EPHA6: variants seen among roughly 807,000 people sequenced by gnomAD.
EPHA6 encodes the protein EPH receptor A6, also known as ephrin type-A receptor 6.
In EPHA6, 50 loss-of-function variants were observed where a neutral mutation model predicts 112.0. That is an observed-to-expected ratio of 0.45 (90% CI 0.36 to 0.56). EPHA6 has a LOEUF of 0.56. Among genes scored for constraint, EPHA6 ranks in the 20% least tolerant of loss-of-function variants. The pLI, the probability that EPHA6 is intolerant of heterozygous loss-of-function variation, is 0.00. For synonymous variants in EPHA6, 529 were observed against 490.7 expected (o/e 1.08, Z -1.03); for missense variants, 1,280 against 1,417.4 (o/e 0.90, Z 1.56).
At chr3:97,262,323 T>A (rs1317230688) in intron 5 of EPHA6, among the ~76,000 whole-genome samples, 2 of 152,158 alleles carry the variant, frequency 1.3e-5, no homozygotes, top group Non-Finnish European at 2.9e-5. Context: ...ATGGCCTTTG[T>A]TCTTTCATTA....
At chr3:97,349,965 T>A (rs1173362500) in intron 5 of EPHA6, among the ~76,000 whole-genome samples, 1 of 152,028 alleles carries the variant, frequency 6.6e-6, no homozygotes, top group Non-Finnish European at 1.5e-5. Context: ...ATCTTTTTTT[T>A]TTTTCTTTTT....
At chr3:96,872,410 G>A (rs753832422) in intron 2 of EPHA6, among the ~76,000 whole-genome samples, 1 of 152,066 alleles carries the variant, frequency 6.6e-6, no homozygotes, top group Admixed American at 6.6e-5. Flanking sequence ...CAAAGTTGCT[G>A]TCTCCTCTCC....
At chr3:97,580,186 A>G (rs1452180479) in intron 11 of EPHA6, among the ~76,000 whole-genome samples, 1 of 152,216 alleles carries the variant, frequency 6.6e-6, no homozygotes, top group African/African-American at 2.4e-5. Flanking sequence ...AAATGCACTC[A>G]AACTGCTTCC....
chr3:97,745,250 C>T, intron 16 of EPHA6: 1 of 324,554 alleles, frequency 3.1e-6, no homozygotes, highest in South Asian at 2.5e-5. Context: ...TATTGATTAA[C>T]ATAAACACCT....
At chr3:97,419,163 C>G (rs2107174849) in intron 6 of EPHA6, among the ~76,000 whole-genome samples, 1 of 152,088 alleles carries the variant, frequency 6.6e-6, no homozygotes, top group African/African-American at 2.4e-5. Flanking sequence ...AATTGCGGGG[C>G]ATGGTGGCAT....
At chr3:96,913,490 T>G (rs944300533) in intron 2 of EPHA6, among the ~76,000 whole-genome samples, 1 of 152,288 alleles carries the variant, frequency 6.6e-6, no homozygotes, top group African/African-American at 2.4e-5. Flanking sequence ...CTTGAATTTT[T>G]TTTCATAGAG....
rs1357123710 is a variant in EPHA6 at position 97,741,312 on chromosome 3, C to T, written c.3128+5194C>T. Among the ~76,000 whole-genome samples the T allele has an allele frequency of 2.6e-5, 4 of 151,938 alleles. No individual in the cohort carries two copies. In the East Asian group the frequency reaches 7.8e-4, roughly 29 times the overall value. ...AGTCTGCTGTGCACTATGATCATGACACTACACTCCAGCCTGGGCAACAGA... is the reference window on the plus strand; with the variant it reads ...AGTCTGCTGTGCACTATGATCATGATACTACACTCCAGCCTGGGCAACAGA... On this transcript the variant is annotated intron_variant, in intron 16 of 17. Coordinates refer to ENST00000389672, the MANE Select transcript of EPHA6 (RefSeq NM_001080448.3).
At chr3:97,138,226 T>C (rs1168786724) in intron 3 of EPHA6, among the ~76,000 whole-genome samples, 3 of 152,168 alleles carry the variant, frequency 2.0e-5, no homozygotes, top group African/African-American at 7.2e-5. Context: ...AGGAAGCTGC[T>C]GGTGACCATG....
chr3:96,934,415 A>G (rs904140968), intron 2 of EPHA6, among the ~76,000 whole-genome samples: 4 of 151,728 alleles, frequency 2.6e-5, no homozygotes, highest in African/African-American at 4.8e-5. Flanking sequence ...TACCACTTCT[A>G]TAAGTGATCA....
At chr3:97,204,563 C>G (rs768120145) in intron 3 of EPHA6, among the ~76,000 whole-genome samples, 65 of 152,084 alleles carry the variant, frequency 4.3e-4, no homozygotes, top group Non-Finnish European at 1.9e-4. Flanking sequence ...CCCCTAAATG[C>G]TATATTATAT....
intron 3 of EPHA6, among the ~76,000 whole-genome samples, chr3:97,124,070 C>T (rs540274174): frequency 2.0e-5 from 3 of 151,852 alleles, no homozygotes; most frequent in Non-Finnish European, 4.4e-5. Context: ...TCATTTAGTT[C>T]CCATAAAAAA....
chr3:97,375,854 A>G (rs1212224540), intron 5 of EPHA6, among the ~76,000 whole-genome samples: 1 of 152,192 alleles, frequency 6.6e-6, no homozygotes, highest in Non-Finnish European at 1.5e-5. Flanking sequence ...TGATTCATTT[A>G]TATAGAATTC....
chr3:96,870,415 C>T (rs2036568375), intron 2 of EPHA6, among the ~76,000 whole-genome samples: 1 of 152,072 alleles, frequency 6.6e-6, no homozygotes. Flanking sequence ...ACATCTTTCT[C>T]ATTCTATCTC....
chr3:97,536,453 C>G (rs1231140483), intron 11 of EPHA6, among the ~76,000 whole-genome samples: 1 of 152,058 alleles, frequency 6.6e-6, no homozygotes, highest in Non-Finnish European at 1.5e-5. Flanking sequence ...CAGTAAAGAG[C>G]AATAGAAACC....
chr3:97,048,659 A>G (rs1208723389), intron 3 of EPHA6, among the ~76,000 whole-genome samples: 1 of 152,218 alleles, frequency 6.6e-6, no homozygotes, highest in African/African-American at 2.4e-5. Context: ...TTAGATCTGT[A>G]ATATTTGTAC....
At chr3:97,684,055 A>T (rs1025765210) in intron 14 of EPHA6, among the ~76,000 whole-genome samples, 1 of 152,138 alleles carries the variant, frequency 6.6e-6, no homozygotes, top group African/African-American at 2.4e-5. Flanking sequence ...CATTAGATGG[A>T]TATTAAACAG....
chr3:97,358,784 A>G (rs1200625658), intron 5 of EPHA6, among the ~76,000 whole-genome samples: 1 of 152,060 alleles, frequency 6.6e-6, no homozygotes, highest in African/African-American at 2.4e-5. Flanking sequence ...ATCTGGGAAT[A>G]TTTAATTTCT....
intron 2 of EPHA6, among the ~76,000 whole-genome samples, chr3:96,881,568 A>G (rs575173034): frequency 6.6e-6 from 1 of 152,254 alleles, no homozygotes; most frequent in Non-Finnish European, 1.5e-5. Context: ...TTGGGTTGGG[A>G]CAAAGAGCCA....
At chr3:97,021,582 G>A (rs960359045) in intron 3 of EPHA6, among the ~76,000 whole-genome samples, 2 of 152,158 alleles carry the variant, frequency 1.3e-5, no homozygotes, top group Non-Finnish European at 1.5e-5. Context: ...CAAAGATCAC[G>A]GTTATGGCAA....
Sources: gnomAD v4.1 joint callset for allele counts (sites outside exome capture counted in the v4.1 genomes callset) on GRCh38, gnomAD v4.1.1 for gene constraint, MANE v1.5 for transcripts, NCBI Gene and HGNC (gene_info 2026-07-23, HGNC 2026-07-21) for gene names.